MAGI2: variants seen among roughly 807,000 people sequenced by gnomAD.
The protein encoded by MAGI2 is membrane associated guanylate kinase, WW and PDZ domain containing 2.
A neutral mutation model predicts 133.3 loss-of-function variants in MAGI2; 35 were observed. The observed-to-expected ratio is 0.26, with a 90% CI of 0.20 to 0.35. MAGI2 has a LOEUF of 0.35. Ranked by LOEUF, MAGI2 falls within the 10% of genes least tolerant of loss-of-function variation. The pLI is 1.00. For synonymous variants in MAGI2, 729 were observed against 710.6 expected (o/e 1.03, Z -0.41); for missense variants, 1,636 against 1,863.4 (o/e 0.88, Z 2.25).
At chr7:78,289,736 C>T (rs964965524) in intron 9 of MAGI2, among the ~76,000 whole-genome samples, 6 of 152,138 alleles carry the variant, frequency 3.9e-5, no homozygotes, top group East Asian at 1.9e-4. Context: ...AAAGGAAGCC[C>T]GTCAGACTAA....
intron 20 of MAGI2, among the ~76,000 whole-genome samples, chr7:78,090,500 G>C (rs1817084131): frequency 6.6e-6 from 1 of 152,170 alleles, no homozygotes. Context: ...GGGGGGCTTT[G>C]AGGCAGCCTG....
At chr7:78,955,444 A>C (rs555887471) in intron 2 of MAGI2, among the ~76,000 whole-genome samples, 4 of 152,168 alleles carry the variant, frequency 2.6e-5, no homozygotes, top group Non-Finnish European at 5.9e-5. Context: ...AAATTAGCAT[A>C]AAGGTACATA....
chr7:79,438,983 A>G (rs1203906745), intron 1 of MAGI2, among the ~76,000 whole-genome samples: 1 of 152,156 alleles, frequency 6.6e-6, no homozygotes, highest in Non-Finnish European at 1.5e-5. Context: ...TAGGTTTCTA[A>G]GTAAGGCCTT....
intron 1 of MAGI2, among the ~76,000 whole-genome samples, chr7:79,168,891 T>G (rs1390958937): frequency 3.7e-4 from 2 of 5,424 alleles, no homozygotes; most frequent in East Asian, 6.6e-3. Flanking sequence ...TAAAGATAGA[T>G]ATATATATAT....
intron 1 of MAGI2, among the ~76,000 whole-genome samples, chr7:79,335,635 T>C (rs1840385995): frequency 6.6e-6 from 1 of 152,106 alleles, no homozygotes; most frequent in South Asian, 2.1e-4. Context: ...AAGATAATTT[T>C]ATTTTCTGAA....
chr7:79,303,163 G>A (rs1021261759), intron 1 of MAGI2, among the ~76,000 whole-genome samples: 7 of 152,080 alleles, frequency 4.6e-5, no homozygotes, highest in African/African-American at 1.7e-4. Context: ...TCAGAGGGTG[G>A]AAGGGGTATG....
Position 79,019,920 on chromosome 7 carries a change from C to A in MAGI2, c.302-12714G>T, listed in dbSNP as rs987168101. On this transcript the variant is annotated intron_variant, in intron 1 of 21. Coordinates refer to ENST00000354212, the MANE Select transcript of MAGI2 (RefSeq NM_012301.4). The stretch of plus-strand genomic sequence containing the variant: ...AATTGGTACCAGGAGTGGGGTGCTG[C>A]TGTAAAGATACCAAAAAATGTGGAA... Among the ~76,000 whole-genome samples the A allele has an allele frequency of 3.9e-5, 6 of 152,050 alleles. No homozygotes were observed. In the South Asian group the frequency reaches 6.2e-4, roughly 16 times the overall value.
At chr7:78,385,747 AG>A (rs1161837207) in intron 6 of MAGI2, among the ~76,000 whole-genome samples, 1 of 152,206 alleles carries the variant, frequency 6.6e-6, no homozygotes, top group Non-Finnish European at 1.5e-5. Flanking sequence ...AAAGAACATA[AG>A]AATCTTTAAA....
intron 2 of MAGI2, among the ~76,000 whole-genome samples, chr7:78,818,844 G>C (rs777799018): frequency 6.6e-6 from 1 of 152,042 alleles, no homozygotes; most frequent in Non-Finnish European, 1.5e-5. Flanking sequence ...ACTTGAGACT[G>C]AGAAATTATG....
chr7:78,357,876 C>T (rs10248696), intron 7 of MAGI2, among the ~76,000 whole-genome samples: 1 of 151,458 alleles, frequency 6.6e-6, no homozygotes. Context: ...ATAAAAGTTT[C>T]TATGATTCAC....
chr7:79,244,847 CTCCTT>C (rs1373735273), intron 1 of MAGI2, among the ~76,000 whole-genome samples: 1 of 152,222 alleles, frequency 6.6e-6, no homozygotes, highest in Non-Finnish European at 1.5e-5. Flanking sequence ...CTGGGACAGA[CTCCTT>C]CCTTTCACTT....
intron 16 of MAGI2, among the ~76,000 whole-genome samples, chr7:78,141,121 G>A (rs917553765): frequency 6.6e-6 from 1 of 152,054 alleles, no homozygotes; most frequent in African/African-American, 2.4e-5. Flanking sequence ...GGAGGTTTGC[G>A]GGGAGACAAG....
chr7:79,030,136 C>T (rs1379231658), intron 1 of MAGI2: 1 of 152,122 alleles, frequency 6.6e-6, no homozygotes, highest in Non-Finnish European at 1.5e-5. Context: ...ATGCAAAAGG[C>T]TGAGTTTAAT....
rs149724628 is a variant in MAGI2 at position 78,045,144 on chromosome 7, C to T, written c.3707-25168G>A. Among the ~76,000 whole-genome samples, 579 of 151,984 alleles carry T rather than the reference C, an allele frequency of 3.8e-3. 3 individuals are homozygous for T. Among genetic ancestry groups the T allele is most frequent in the African/African-American group, 0.013 (539 of 41,432 alleles). ...ATCGCACCACTGAACTCTAGCCTGG[C>T]GATAGAGCGAGACTTGGTCTCAAAA... is the stretch of plus-strand genomic sequence containing the variant. On this transcript the variant is annotated intron_variant, in intron 21 of 21. Coordinates refer to ENST00000354212, the MANE Select transcript of MAGI2 (RefSeq NM_012301.4).
At chr7:78,658,304 G>C (rs1203837444) in intron 2 of MAGI2, among the ~76,000 whole-genome samples, 5 of 152,280 alleles carry the variant, frequency 3.3e-5, no homozygotes, top group African/African-American at 1.2e-4. Flanking sequence ...AACGACTTTG[G>C]CCTTAACCTC....
chr7:79,403,307 T>C (rs1169766657), intron 1 of MAGI2, among the ~76,000 whole-genome samples: 1 of 152,202 alleles, frequency 6.6e-6, no homozygotes, highest in East Asian at 1.9e-4. Context: ...AAGGGAGATT[T>C]AGTGCATGTT....
intron 3 of MAGI2, among the ~76,000 whole-genome samples, chr7:78,620,511 C>G (rs547013551): frequency 6.6e-6 from 1 of 152,054 alleles, no homozygotes; most frequent in East Asian, 1.9e-4. Flanking sequence ...TGAAGTACAG[C>G]ACTCCTTCAT....
In MAGI2 at chr7:78,295,912, G is replaced by A. The variant is rs144462195; in HGVS notation, c.1409-39331C>T. Among the ~76,000 whole-genome samples, 1,098 of 152,050 alleles carry A rather than the reference G, an allele frequency of 7.2e-3. 9 individuals carry two copies. The highest frequency in any genetic ancestry group is 0.026 in the African/African-American group (1,058 of 41,470). On this transcript the variant is annotated intron_variant, in intron 9 of 21. Transcript: ENST00000354212. ...TATTCAGGACAAAAACTTTACAGCC[G>A]TCTTTGATTTCTCCCTCTTCTTACT...
At chr7:79,111,510 G>A (rs113211747) in intron 1 of MAGI2, among the ~76,000 whole-genome samples, 16 of 152,036 alleles carry the variant, frequency 1.1e-4, no homozygotes, top group African/African-American at 3.9e-4. Flanking sequence ...TTATTTTTTT[G>A]AGACAACAAT....
Sources: allele counts gnomAD v4.1 joint callset (sites outside exome capture counted in the v4.1 genomes callset), GRCh38; gene constraint gnomAD v4.1.1; transcripts MANE v1.5; gene names NCBI Gene and HGNC (gene_info 2026-07-23, HGNC 2026-07-21).